The following TEAD1 variants were observed in gnomAD, a reference collection of about 807,000 sequenced individuals.
TEAD1 encodes the protein TEA domain transcription factor 1.
TEAD1 carries 9 observed loss-of-function variants against 54.9 expected under a neutral mutation model. The observed-to-expected ratio is 0.16, with a 90% confidence interval of 0.10 to 0.29. The LOEUF is 0.29. Ranked by LOEUF, TEAD1 falls within the 10% of genes least tolerant of loss-of-function variation. The probability of loss-of-function intolerance (pLI) is 1.00; values close to 1 mark genes in which losing one functional copy is unlikely to be tolerated. For missense variants in TEAD1, 387 were observed against 535.9 expected (o/e 0.72, Z 2.74); for synonymous variants, 200 against 187.8 (o/e 1.07, Z -0.53).
At chr11:12,694,749 C>T (rs578201523) in intron 2 of TEAD1, among the ~76,000 whole-genome samples, 15 of 152,222 alleles carry the variant, frequency 9.9e-5, no homozygotes, top group African/African-American at 1.9e-4. Flanking sequence ...TCTTTTTCTA[C>T]GCTAATTGGT....
At chr11:12,795,908 T>G (rs1945908273) in intron 3 of TEAD1, among the ~76,000 whole-genome samples, 1 of 152,196 alleles carries the variant, frequency 6.6e-6, no homozygotes, top group African/African-American at 2.4e-5. Context: ...AGATCTCTGA[T>G]GAGGCACTGA....
At chr11:12,876,429 T>C (rs1034010716) in intron 5 of TEAD1, among the ~76,000 whole-genome samples, 1 of 152,062 alleles carries the variant, frequency 6.6e-6, no homozygotes, top group East Asian at 1.9e-4. Context: ...ACAAACAGAT[T>C]CTGTATTTGG....
intron 12 of TEAD1, among the ~76,000 whole-genome samples, chr11:12,932,369 C>T (rs952836100): frequency 6.6e-6 from 1 of 152,042 alleles, no homozygotes; most frequent in African/African-American, 2.4e-5. Flanking sequence ...TAAGTGGCCT[C>T]AGGAATTAAC....
At chr11:12,850,129 A>C (rs1198746293) in intron 3 of TEAD1, among the ~76,000 whole-genome samples, 1 of 152,192 alleles carries the variant, frequency 6.6e-6, no homozygotes, top group African/African-American at 2.4e-5. Context: ...TGGTGCAGTG[A>C]CATTACATTA....
intron 2 of TEAD1, among the ~76,000 whole-genome samples, chr11:12,754,769 T>C (rs1474704488): frequency 6.6e-6 from 1 of 152,216 alleles, no homozygotes; most frequent in Non-Finnish European, 1.5e-5. Context: ...AATGCCATCC[T>C]GATTCAGGTT....
In TEAD1 at chr11:12,682,324, C is replaced by T. The variant is rs78065847; in HGVS notation, c.-55+6763C>T. Among the ~76,000 whole-genome samples, 663 of 152,248 alleles carry T rather than the reference C, an allele frequency of 4.4e-3. 7 individuals carry two copies. The highest frequency in any genetic ancestry group is 0.015 in the African/African-American group (635 of 41,532). On this transcript the variant is annotated intron_variant, in intron 2 of 12. Coordinates refer to ENST00000527636, the MANE Select transcript of TEAD1 (RefSeq NM_021961.6). ...ATCCAGGGGAAGCAATAAAATGAAC[C>T]AGAACCACCTTCTCTGCTCGGCATT...
chr11:12,723,452 C>T (rs1944253245), intron 2 of TEAD1, among the ~76,000 whole-genome samples: 1 of 152,110 alleles, frequency 6.6e-6, no homozygotes, highest in Non-Finnish European at 1.5e-5. Flanking sequence ...AAACCAAACC[C>T]AGAATTCATC....
intron 3 of TEAD1, among the ~76,000 whole-genome samples, chr11:12,813,921 G>C (rs1946360095): frequency 2.0e-5 from 3 of 152,172 alleles, no homozygotes; most frequent in Admixed American, 2.0e-4. Flanking sequence ...CCTGTGTCCA[G>C]CTCTCTCTTG....
At chr11:12,693,817 A>G (rs551416214) in intron 2 of TEAD1, among the ~76,000 whole-genome samples, 1 of 152,368 alleles carries the variant, frequency 6.6e-6, no homozygotes, top group East Asian at 1.9e-4. Flanking sequence ...TCATGAGATG[A>G]GTCAGTTCCT....
At position 12,873,756 on chromosome 11, in the gene TEAD1, T is replaced by C. The variant is rs1947800781; in HGVS notation, c.331-5952T>C. ...CCATCCTTTTTCCAAAACCATAATA[T>C]AGTTCTGTGATGTTTATCTGCTCAA... On this transcript the variant is annotated intron_variant, in intron 5 of 12. Coordinates refer to ENST00000527636, the MANE Select transcript of TEAD1 (RefSeq NM_021961.6). 3.9e-5 allele frequency among the ~76,000 whole-genome samples: 6 copies of C among 152,318 alleles called. No individual in the cohort carries two copies. In the South Asian group the frequency reaches 1.0e-3, roughly 26 times the overall value.
chr11:12,734,735 A>G (rs1944492650), intron 2 of TEAD1, among the ~76,000 whole-genome samples: 2 of 152,222 alleles, frequency 1.3e-5, no homozygotes. Flanking sequence ...TCTAGAAACA[A>G]TAGGCTATAA....
At chr11:12,740,810 G>A (rs977756134) in intron 2 of TEAD1, among the ~76,000 whole-genome samples, 2 of 151,976 alleles carry the variant, frequency 1.3e-5, no homozygotes, top group African/African-American at 2.4e-5. Flanking sequence ...GTGAGATTTG[G>A]GTGGGGACGC....
At chr11:12,877,437 G>T (rs1295714344) in intron 5 of TEAD1, among the ~76,000 whole-genome samples, 1 of 152,218 alleles carries the variant, frequency 6.6e-6, no homozygotes, top group Non-Finnish European at 1.5e-5. Flanking sequence ...TGGATCATCT[G>T]AGGTCGGGAG....
At chr11:12,881,134 C>T in intron 7 of TEAD1, 83 bp downstream of exon 7, 1 of 1,474,774 alleles carries the variant, frequency 6.8e-7, no homozygotes, top group Non-Finnish European at 9.5e-7. Flanking sequence ...ACCATAGTGT[C>T]TCAGGGCCTG....
intron 3 of TEAD1, among the ~76,000 whole-genome samples, chr11:12,771,732 C>T (rs1009547503): frequency 6.6e-6 from 1 of 152,130 alleles, no homozygotes; most frequent in African/African-American, 2.4e-5. Context: ...TTTGGAGCCT[C>T]ATCATCAGAG....
chr11:12,922,637 T>A (rs1948831083), intron 10 of TEAD1: 1 of 152,118 alleles, frequency 6.6e-6, no homozygotes, highest in South Asian at 2.1e-4. Context: ...AGTCAGAATC[T>A]GCCAAATCTG....
At position 12,744,105 on chromosome 11, in the gene TEAD1, A is replaced by G. The variant is rs1944700200; in HGVS notation, c.-54-20074A>G. On this transcript the variant is annotated intron_variant, in intron 2 of 12. Coordinates refer to ENST00000527636, the MANE Select transcript of TEAD1 (RefSeq NM_021961.6). Reference sequence around the variant, plus strand: ...TTGCTGAGAAAACTTTAGTTGCGCTAGGCCAGATTATCCCCAAAGGCGTTT... The same window carrying G: ...TTGCTGAGAAAACTTTAGTTGCGCTGGGCCAGATTATCCCCAAAGGCGTTT... 2.0e-5 allele frequency among the ~76,000 whole-genome samples: 3 copies of G among 152,222 alleles called. No individual in the cohort carries two copies. In the South Asian group the frequency reaches 6.2e-4, roughly 32 times the overall value.
rs1947955682 is a variant in TEAD1, at chr11:12,881,042, C to A, written c.503C>A (p.Ser168Tyr). The A allele has an allele frequency of 6.2e-7, 1 of 1,614,174 alleles. No individual in the cohort carries two copies. Among genetic ancestry groups the A allele is most frequent in the Non-Finnish European group, 8.5e-7 (1 of 1,180,038 alleles). ...ATGATTCAAACAGGGCAGCCAGGAT[C>A]CTCACAAGAGTAAGTCTGAGGAGGG... Residue 168 changes from serine (S) to tyrosine (Y), a missense_variant, in exon 7 of 13, where the codon TCC becomes TAC. Ser to Tyr is a moderately radical substitution (Grantham distance 144). Coordinates refer to ENST00000527636, the MANE Select transcript of TEAD1 (RefSeq NM_021961.6).
intron 6 of TEAD1, 63 bp from the exon 7 acceptor site, chr11:12,880,942 G>A (rs1947953998): frequency 2.5e-6 from 4 of 1,573,822 alleles, no homozygotes; most frequent in Admixed American, 3.3e-5. Context: ...TGATGCGTAG[G>A]CATCCTAAAC....
Sources: gnomAD v4.1 joint callset for allele counts (sites outside exome capture counted in the v4.1 genomes callset) on GRCh38, gnomAD v4.1.1 for gene constraint, MANE v1.5 for transcripts, NCBI Gene and HGNC (gene_info 2026-07-23, HGNC 2026-07-21) for gene names.